Variants in MED25 observed in about 807,000 individuals in gnomAD.
MED25 encodes the protein mediator of RNA polymerase II transcription subunit 25.
Under a neutral mutation model 89.4 loss-of-function variants are expected in MED25, and 62 were observed. The ratio of observed to expected loss-of-function variants is 0.69; its 90% CI spans 0.57 to 0.86. The LOEUF is 0.86. Among genes scored for constraint, MED25 ranks in the 40% least tolerant of loss-of-function variants. The probability of loss-of-function intolerance (pLI) is 0.00; values close to 1 mark genes in which losing one functional copy is unlikely to be tolerated. For synonymous variants in MED25, 449 were observed against 427.9 expected, an observed-to-expected ratio of 1.05 and a Z score of -0.61; for missense variants, 905 against 1,005.2, an observed-to-expected ratio of 0.90 and a Z score of 1.35.
In MED25 at chr19:49,835,218, C is replaced by T; in HGVS notation, c.1674+41C>T. 1 of 1,609,056 alleles carries T rather than the reference C, an allele frequency of 6.2e-7. No homozygotes were observed. The highest frequency in any genetic ancestry group is 1.1e-5 in the South Asian group (1 of 90,984). ...CCCCAAACCAGCACTCCGACCCCCT[C>T]CTGCCCGGGCCCCACATGGCCCCCT... On this transcript the variant is annotated intron_variant, in intron 14 of 17. Coordinates refer to ENST00000312865, the MANE Select transcript of MED25 (RefSeq NM_030973.4). This position sits in a 1 kb window ranked among gnomAD's most constrained non-coding sequence, Gnocchi z 6.2.
At chr19:49,818,738 C>T (rs1299627103) in intron 2 of MED25, 122 bp downstream of exon 2, 14 of 966,980 alleles carry the variant, frequency 1.4e-5, no homozygotes, top group South Asian at 6.7e-5. Flanking sequence ...GGCTGGGGGT[C>T]TGGACTCCTT....
rs568500734 is a variant in MED25, at chr19:49,822,637, A to G, written c.305+3341A>G. 4.9e-5 allele frequency among the ~76,000 whole-genome samples: 6 copies of G among 123,536 alleles called. No homozygotes were observed. In the South Asian group the frequency reaches 1.5e-3, roughly 31 times the overall value. The allele number at this position is 123,536 out of a possible 152,430, so 81.0% of individuals were successfully genotyped here. A position where few individuals can be genotyped will look rare whatever the true frequency, so the allele number is the denominator to read the frequency against. ...CACGTCATGTCATTATTTCTGTTAC[A>G]TTCTTTTTTTTTTTTTTTTTTTTTT... is the stretch of plus-strand genomic sequence containing the variant. On this transcript the variant is annotated intron_variant, in intron 3 of 17. Coordinates refer to ENST00000312865, the MANE Select transcript of MED25 (RefSeq NM_030973.4).
intron 3 of MED25, among the ~76,000 whole-genome samples, chr19:49,821,987 G>C (rs1420267883): frequency 1.3e-5 from 2 of 151,538 alleles, no homozygotes; most frequent in African/African-American, 2.4e-5. Context: ...AAATTGGGCA[G>C]GCGTGGTGGC....
chr19:49,821,801 A>T (rs1448859297), intron 3 of MED25, among the ~76,000 whole-genome samples: 1 of 124,736 alleles, frequency 8.0e-6, no homozygotes, highest in African/African-American at 3.3e-5. Flanking sequence ...GGGCAACAAG[A>T]GTGAAATTCT....
Position 49,830,204 on chromosome 19 carries a change from C to T in MED25, c.805C>T (p.Pro269Ser), listed in dbSNP as rs1429339030. ...AAPQQPLPPVPPQYQVPGNLS... is the reference protein window; with the variant it reads ...AAPQQPLPPVSPQYQVPGNLS... Reference sequence around the variant, plus strand: ...CCCCCAGCAGCCTCTGCCCCCCGTCCCCCCGCAGTACCAGGTATGGATATT... The same window carrying T: ...CCCCCAGCAGCCTCTGCCCCCCGTCTCCCCGCAGTACCAGGTATGGATATT... Residue 269 changes from proline (P) to serine (S), a missense_variant, in exon 7 of 18, where the codon CCC becomes TCC. Transcript: ENST00000312865. This position sits in a 1 kb window ranked among gnomAD's most constrained non-coding sequence, Gnocchi z 4.6. The T allele has an allele frequency of 1.2e-6, 2 of 1,607,456 alleles. No homozygotes were observed. The highest frequency in any genetic ancestry group is 1.7e-6 in the Non-Finnish European group (2 of 1,176,292).
At chr19:49,825,242 G>GGTTTTGTTTT (rs927964693) in intron 3 of MED25, among the ~76,000 whole-genome samples, 1 of 151,684 alleles carries the variant, frequency 6.6e-6, no homozygotes, top group Non-Finnish European at 1.5e-5. Context: ...TCCTCATAAG[G>GGTTTTGTTTT]GTTTTGTTTT....
In MED25 at chr19:49,834,210, C is replaced by CCGTGACTGTCTGGGGCTGGGACA. The variant is rs2074079381; in HGVS notation, c.1483-775_1483-753dup. On this transcript the variant is annotated intron_variant, in intron 13 of 17. Coordinates refer to ENST00000312865, the MANE Select transcript of MED25 (RefSeq NM_030973.4). This position sits in a 1 kb window ranked among gnomAD's most constrained non-coding sequence, Gnocchi z 4.1. ...ATGGGAGGCTGCTGGGAGCAGGTAT[C>CCGTGACTGTCTGGGGCTGGGACA]CGTGACTGTCTGGGGCTGGGACATG... 1.3e-5 allele frequency: 2 copies of CCGTGACTGTCTGGGGCTGGGACA among 152,192 alleles called. No homozygotes were observed. The highest frequency in any genetic ancestry group is 2.1e-4 in the South Asian group (1 of 4,830). The allele number at this position is 152,192 out of a possible 1,614,324, so 9.4% of individuals were successfully genotyped here. A position where few individuals can be genotyped will look rare whatever the true frequency, so the allele number is the denominator to read the frequency against.
rs1274220685 is a variant in MED25, at chr19:49,831,086, G to A, written c.1101+199G>A. 6.6e-6 allele frequency among the ~76,000 whole-genome samples: 1 copy of A among 152,192 alleles called. No individual in the cohort carries two copies. Among genetic ancestry groups the A allele is most frequent in the Non-Finnish European group, 1.5e-5 (1 of 68,022 alleles). ...TGGGGAGGCTCATGGCTCCAGGAGG[G>A]TCAGGGCTGTTCCGAGAAACCCAAG... is the stretch of plus-strand genomic sequence containing the variant. On this transcript the variant is annotated intron_variant, in intron 9 of 17. Coordinates refer to ENST00000312865, the MANE Select transcript of MED25 (RefSeq NM_030973.4). This position sits in a 1 kb window ranked among gnomAD's most constrained non-coding sequence, Gnocchi z 5.0.
rs536678372 is a variant in MED25 at position 49,830,880 on chromosome 19, C to T, written c.1094C>T (p.Pro365Leu). The change falls in exon 9 of 18, where the codon CCG becomes CTG. Residue 365 changes from proline to leucine, a missense_variant. Physicochemically the swap from Pro to Leu is moderately conservative, Grantham distance 98. Around this residue, in one of 3 missense-constraint regions of MED25, gnomAD observed 501 missense variants for 526.9 expected, o/e 0.95. Coordinates refer to ENST00000312865, the MANE Select transcript of MED25 (RefSeq NM_030973.4). The surrounding 1 kb of genome is among the most constrained non-coding windows in gnomAD (Gnocchi z 4.6). ...GLAPTAQPGAPSMAGTVAPGG... is the reference protein window; with the variant it reads ...GLAPTAQPGALSMAGTVAPGG... ...GCTCCCACGGCACAGCCCGGGGCAC[C>T]GTCCATGGTAGGTGCCTGCACGCCT... The T allele has an allele frequency of 8.1e-6, 13 of 1,609,874 alleles. No homozygotes were observed. Among genetic ancestry groups the T allele is most frequent in the Admixed American group, 1.7e-5 (1 of 60,018 alleles).
At position 49,823,976 on chromosome 19, in the gene MED25, G is replaced by A. The variant is rs866290830; in HGVS notation, c.306-4473G>A. ...ATAAAATATCCTCTGGGAAGGGGGC[G>A]CAAAATGTATTCCATTTGAGACCAC... On this transcript the variant is annotated intron_variant, in intron 3 of 17. Coordinates refer to ENST00000312865, the MANE Select transcript of MED25 (RefSeq NM_030973.4). Among the ~76,000 whole-genome samples, 8 of 152,200 alleles carry A rather than the reference G, an allele frequency of 5.3e-5. No individual in the cohort carries two copies. In the East Asian group the frequency reaches 1.2e-3, roughly 22 times the overall value.
rs2123883055 is a variant in MED25, at chr19:49,832,426, G to A, written c.1482+11G>A. 7 of 1,456,136 alleles carry A rather than the reference G, an allele frequency of 4.8e-6. No individual in the cohort carries two copies. Among genetic ancestry groups the A allele is most frequent in the African/African-American group, 1.4e-5 (1 of 71,902 alleles). 90.2% of individuals were successfully genotyped at this position (1,456,136 alleles called of 1,614,324 possible). Reference sequence around the variant, plus strand: ...ATGGGCAACGGCTTCGTGAGTCCAGGGCATGGGGGGCCGAGGGGTGTTGAC... The same window carrying A: ...ATGGGCAACGGCTTCGTGAGTCCAGAGCATGGGGGGCCGAGGGGTGTTGAC... On this transcript the variant is annotated intron_variant, in intron 13 of 17. Coordinates refer to ENST00000312865, the MANE Select transcript of MED25 (RefSeq NM_030973.4).
downstream of MED25, chr19:49,838,422 G>A (rs1040522498): frequency 3.2e-5 from 12 of 376,570 alleles, no homozygotes; most frequent in Middle Eastern, 8.2e-4. Flanking sequence ...TCCATGGGGC[G>A]TGTGCTTTCT....
chr19:49,830,085 C>G lies in MED25; in HGVS notation c.689-3C>G. Reference sequence around the variant, plus strand: ...TGGGGTTGGCCATCCCTCCTGCTCTCAGTTGGGGGTGGCTCAGCCCCAGGC... The same window carrying G: ...TGGGGTTGGCCATCCCTCCTGCTCTGAGTTGGGGGTGGCTCAGCCCCAGGC... On this transcript the variant is annotated splice_polypyrimidine_tract_variant and splice_region_variant and intron_variant, in intron 6 of 17. Coordinates refer to ENST00000312865, the MANE Select transcript of MED25 (RefSeq NM_030973.4). This position sits in a 1 kb window ranked among gnomAD's most constrained non-coding sequence, Gnocchi z 4.6. The G allele has an allele frequency of 6.2e-7, 1 of 1,606,178 alleles. No homozygotes were observed. The highest frequency in any genetic ancestry group is 8.5e-7 in the Non-Finnish European group (1 of 1,176,924).
At position 49,818,430 on chromosome 19, in the gene MED25, C is replaced by T; in HGVS notation, c.89C>T (p.Pro30Leu). The T allele has an allele frequency of 1.2e-6, 2 of 1,614,110 alleles. No individual in the cohort carries two copies. The highest frequency in any genetic ancestry group is 1.7e-5 in the Admixed American group (1 of 60,016). ...ATTGAGGGTACGGCCAACCTGGGAC[C>T]CTACTTCGAGGGGCTCCGCAAGCAC... is the stretch of plus-strand genomic sequence containing the variant. ...FVIEGTANLG[P>L]YFEGLRKHYL... Residue 30 changes from proline (P) to leucine (L), a missense_variant, in exon 1 of 18, where the codon CCC (proline) becomes CTC (leucine). Pro to Leu is a moderately conservative substitution (Grantham distance 98). Transcript: ENST00000312865.
chr19:49,829,239 G>A lies in MED25; in HGVS notation c.525+149G>A, dbSNP rs1463995183. 1 of 702,758 alleles carries A rather than the reference G, an allele frequency of 1.4e-6. No individual in the cohort carries two copies. Among genetic ancestry groups the A allele is most frequent in the East Asian group, 2.8e-5 (1 of 36,254 alleles). 43.5% of individuals were successfully genotyped at this position (702,758 alleles called of 1,614,324 possible). A position where few individuals can be genotyped will look rare whatever the true frequency, so the allele number is the denominator to read the frequency against. ...GGGTCTAAGCGGGGAGGCACTGGGG[G>A]CCTGGACTCAGACACAGAATAGTCA... is the stretch of plus-strand genomic sequence containing the variant. On this transcript the variant is annotated intron_variant, in intron 5 of 17. Transcript: ENST00000312865. The surrounding 1 kb of genome is among the most constrained non-coding windows in gnomAD (Gnocchi z 4.6).
At chr19:49,839,952 G>C (rs1043021533), downstream of MED25, 3 of 152,246 alleles carry the variant, frequency 2.0e-5, no homozygotes, top group Non-Finnish European at 4.4e-5. Context: ...GTGCAATACG[G>C]CGCTGGTTCC....
chr19:49,837,061 C>A, downstream of MED25: 1 of 860,526 alleles, frequency 1.2e-6, no homozygotes, highest in Non-Finnish European at 1.9e-6. Flanking sequence ...GTTCTCACTT[C>A]AGCAGACATC....
rs1447681058 is a variant in MED25 at position 49,834,751 on chromosome 19, C to T, written c.1483-235C>T. 2 of 579,310 alleles carry T rather than the reference C, an allele frequency of 3.5e-6. No individual in the cohort carries two copies. The highest frequency in any genetic ancestry group is 3.0e-5 in the Admixed American group (1 of 33,372). 35.9% of individuals were successfully genotyped at this position (579,310 alleles called of 1,614,324 possible). A position where few individuals can be genotyped will look rare whatever the true frequency, so the allele number is the denominator to read the frequency against. ...GGCTGAAGGTTGAAGAGCTGGGCTCCAGCACTTTCTCTCCGCTTTCCCTCT... is the reference window on the plus strand; with the variant it reads ...GGCTGAAGGTTGAAGAGCTGGGCTCTAGCACTTTCTCTCCGCTTTCCCTCT... On this transcript the variant is annotated intron_variant, in intron 13 of 17. Transcript: ENST00000312865. This position sits in a 1 kb window ranked among gnomAD's most constrained non-coding sequence, Gnocchi z 4.1.
At chr19:49,838,865 G>C, downstream of MED25, 1 of 412,600 alleles carries the variant, frequency 2.4e-6, no homozygotes, top group Non-Finnish European at 4.9e-6. Flanking sequence ...TGGCGCGGCA[G>C]TGGTACGCCG....
Sources: gnomAD v4.1 joint callset for allele counts (sites outside exome capture counted in the v4.1 genomes callset) on GRCh38, gnomAD v4.1.1 for gene constraint, gnomAD v4.1.1 regional missense constraint, Gnocchi (gnomAD v3.1) non-coding constraint, MANE v1.5 for transcripts, NCBI Gene and HGNC (gene_info 2026-07-23, HGNC 2026-07-21) for gene names.